TRERF1: variants seen among roughly 807,000 people sequenced by gnomAD.
The protein encoded by TRERF1 is transcriptional regulating factor 1.
TRERF1 carries 27 observed loss-of-function variants against 122.9 expected under a neutral mutation model. The ratio of observed to expected loss-of-function variants is 0.22; its 90% CI spans 0.16 to 0.30. The LOEUF is 0.30. Ranked by LOEUF, TRERF1 falls within the 10% of genes least tolerant of loss-of-function variation. The pLI is 1.00. For missense variants in TRERF1, 1,248 were observed against 1,560.3 expected, an observed-to-expected ratio of 0.80 and a Z score of 3.37; for synonymous variants, 636 against 641.7, an observed-to-expected ratio of 0.99 and a Z score of 0.13.
intron 3 of TRERF1, among the ~76,000 whole-genome samples, chr6:42,337,903 G>A (rs1411843922): frequency 6.6e-6 from 1 of 152,246 alleles, no homozygotes; most frequent in East Asian, 1.9e-4. Context: ...AAGATCCCCA[G>A]GGTTGAGGGT....
Position 42,269,260 on chromosome 6 carries a change from G to A in TRERF1, c.331C>T (p.Pro111Ser), listed in dbSNP as rs1779806886. 1 of 1,614,060 alleles carries A rather than the reference G, an allele frequency of 6.2e-7. No individual in the cohort carries two copies. ...CCATCAGTGGGCTCAGCCTGGGCTG[G>A]TGCCCCCCACATCATGTTTGAGTTG... Residue 111 changes from proline (P) to serine (S), a missense_variant, in exon 5 of 18, where the codon CCA becomes TCA. Coordinates refer to ENST00000372922, the Ensembl canonical transcript of TRERF1. This position sits in a 1 kb window ranked among gnomAD's most constrained non-coding sequence, Gnocchi z 4.9.
intron 5 of TRERF1, 32 bp from the exon 6 acceptor site, chr6:42,265,829 A>G (rs1194377856): frequency 6.2e-7 from 1 of 1,609,372 alleles, no homozygotes; most frequent in Admixed American, 1.7e-5. Flanking sequence ...CACCGAAAAA[A>G]AGAAGAGAAA....
intron 2 of TRERF1, among the ~76,000 whole-genome samples, chr6:42,396,522 A>G (rs1778614196): frequency 6.6e-6 from 1 of 152,272 alleles, no homozygotes; most frequent in African/African-American, 2.4e-5. Context: ...AAAAGTAAAT[A>G]TAGTACTTTT....
chr6:42,264,251 C>G (rs74501036), intron 7 of TRERF1, among the ~76,000 whole-genome samples: 2,681 of 152,260 alleles, frequency 0.018, 39 homozygotes, highest in East Asian at 0.032. Context: ...ATTTAAGGAT[C>G]TTTGGATGTT....
At chr6:42,330,592 C>G (rs559141488) in intron 3 of TRERF1, among the ~76,000 whole-genome samples, 92 of 152,298 alleles carry the variant, frequency 6.0e-4, no homozygotes, top group African/African-American at 2.0e-3. Context: ...TCCTTTGACC[C>G]AGAAATTCTT....
At chr6:42,326,979 G>C (rs911063283) in intron 3 of TRERF1, among the ~76,000 whole-genome samples, 6 of 152,122 alleles carry the variant, frequency 3.9e-5, no homozygotes, top group African/African-American at 1.4e-4. Flanking sequence ...AGGTGTAGAA[G>C]CATAGTATCT....
At chr6:42,449,456 G>T (rs550839391) in intron 2 of TRERF1, among the ~76,000 whole-genome samples, 24 of 149,152 alleles carry the variant, frequency 1.6e-4, no homozygotes, top group African/African-American at 6.0e-4. Flanking sequence ...GAACATTCTC[G>T]GTAGAAGAGG....
chr6:42,312,773 G>C (rs752591158), intron 3 of TRERF1, among the ~76,000 whole-genome samples: 2 of 152,226 alleles, frequency 1.3e-5, no homozygotes, highest in Non-Finnish European at 2.9e-5. Flanking sequence ...CTGGGTCTTA[G>C]TGCCGGGTGT....
At chr6:42,237,873 A>G (rs9462791) in intron 15 of TRERF1, among the ~76,000 whole-genome samples, 4,997 of 152,296 alleles carry the variant, frequency 0.033, 294 homozygotes, top group African/African-American at 0.11. Context: ...AATATCACAT[A>G]CATGTATACT....
chr6:42,364,456 G>A (rs796630297), intron 2 of TRERF1, among the ~76,000 whole-genome samples: 3 of 152,142 alleles, frequency 2.0e-5, no homozygotes, highest in Non-Finnish European at 4.4e-5. Flanking sequence ...CAGGGACATC[G>A]TATTATGGTG....
chr6:42,416,639 G>A (rs1425882045), intron 2 of TRERF1, among the ~76,000 whole-genome samples: 7 of 152,142 alleles, frequency 4.6e-5, no homozygotes. Context: ...ACCACTTTGT[G>A]GCTCTGTGTG....
At chr6:42,274,371 C>G (rs1389666114) in intron 4 of TRERF1, among the ~76,000 whole-genome samples, 1 of 152,146 alleles carries the variant, frequency 6.6e-6, no homozygotes, top group Non-Finnish European at 1.5e-5. Flanking sequence ...GGTAGAAAAT[C>G]AAGCCTCATT....
chr6:42,385,113 G>A (rs1221503175), intron 2 of TRERF1, among the ~76,000 whole-genome samples: 4 of 152,130 alleles, frequency 2.6e-5, no homozygotes, highest in Admixed American at 1.3e-4. Context: ...GAGTAGCTGG[G>A]ATTACAGGGT....
At chr6:42,299,200 TTCTATCTATCTA>T (rs70987591) in intron 4 of TRERF1, among the ~76,000 whole-genome samples, 82 of 146,596 alleles carry the variant, frequency 5.6e-4, no homozygotes, top group Middle Eastern at 3.2e-3. Flanking sequence ...GTCTGTTTTT[TTCTATCTATCTA>T]TCTATCTATC....
At chr6:42,379,659 C>T (rs1274651172) in intron 2 of TRERF1, among the ~76,000 whole-genome samples, 1 of 152,126 alleles carries the variant, frequency 6.6e-6, no homozygotes, top group Non-Finnish European at 1.5e-5. Context: ...GCCTCCCAAG[C>T]AGCTGGGACC....
At position 42,391,068 on chromosome 6, in the gene TRERF1, C is replaced by T. The variant is rs1581956123; in HGVS notation, c.-453-27989G>A. Among the ~76,000 whole-genome samples the T allele has an allele frequency of 5.3e-5, 8 of 152,264 alleles. No individual in the cohort carries two copies. In the South Asian group the frequency reaches 1.7e-3, roughly 32 times the overall value. On this transcript the variant is annotated intron_variant, in intron 2 of 17. Coordinates refer to ENST00000372922, the Ensembl canonical transcript of TRERF1. Reference sequence around the variant, plus strand: ...ATGGACACCATTTGGCCAGACCCTTCCTGTTACAGAGGACACCAGGACCAA... The same window carrying T: ...ATGGACACCATTTGGCCAGACCCTTTCTGTTACAGAGGACACCAGGACCAA...
At chr6:42,416,978 A>G (rs957280778) in intron 2 of TRERF1, among the ~76,000 whole-genome samples, 1 of 152,168 alleles carries the variant, frequency 6.6e-6, no homozygotes, top group Non-Finnish European at 1.5e-5. Flanking sequence ...CAGCATCACT[A>G]TAAGAAGTAA....
chr6:42,428,386 G>A (rs934316493), intron 2 of TRERF1, among the ~76,000 whole-genome samples: 5 of 152,196 alleles, frequency 3.3e-5, no homozygotes, highest in African/African-American at 7.2e-5. Flanking sequence ...CCGAGTACCC[G>A]AAGACAGGAG....
intron 3 of TRERF1, among the ~76,000 whole-genome samples, chr6:42,342,270 G>T (rs530051002): frequency 3.1e-4 from 47 of 152,318 alleles, no homozygotes; most frequent in African/African-American, 1.1e-3. Context: ...AAAGTTGAAA[G>T]ACCATGTCCC....
Sources: gnomAD v4.1 joint callset for allele counts (sites outside exome capture counted in the v4.1 genomes callset) on GRCh38, gnomAD v4.1.1 for gene constraint, Gnocchi (gnomAD v3.1) non-coding constraint, MANE v1.5 for transcripts, NCBI Gene and HGNC (gene_info 2026-07-23, HGNC 2026-07-21) for gene names.